Variants in ATXN2 observed in about 807,000 individuals in gnomAD.
ATXN2 encodes ataxin 2, also known as ataxin-2.
In ATXN2, 37 loss-of-function variants were observed where a neutral mutation model predicts 138.6. The ratio of observed to expected loss-of-function variants is 0.27; its 90% confidence interval spans 0.21 to 0.35. The LOEUF (loss-of-function observed/expected upper bound fraction) is 0.35, where lower values mean the gene tolerates loss of function less well. ATXN2 is among the 10% of genes least tolerant of loss of function. The pLI is 1.00. For synonymous variants in ATXN2, 549 were observed against 543.7 expected, an observed-to-expected ratio of 1.01 and a Z score of -0.13; for missense variants, 1,216 against 1,480.3, an observed-to-expected ratio of 0.82 and a Z score of 2.93.
chr12:111,470,360 A>T, intron 19 of ATXN2, 120 bp from the exon 20 acceptor site: 1 of 1,316,852 alleles, frequency 7.6e-7, no homozygotes, highest in Non-Finnish European at 1.0e-6. Context: ...TAAACTCTCA[A>T]ATCTTTCTTG....
At chr12:111,466,374 G>A (rs1299687693) in intron 20 of ATXN2, among the ~76,000 whole-genome samples, 17 of 148,512 alleles carry the variant, frequency 1.1e-4, no homozygotes, top group African/African-American at 4.2e-4. Flanking sequence ...GGTGGCGGGC[G>A]CCTGTAGTCC....
upstream of ATXN2, chr12:111,599,383 G>A (rs1885149729): frequency 2.8e-5 from 33 of 1,161,408 alleles, no homozygotes; most frequent in South Asian, 2.1e-4. Flanking sequence ...CCGGGGCCGC[G>A]CCACCGCCGC....
intron 12 of ATXN2, 135 bp from the exon 13 acceptor site, chr12:111,510,133 AG>A: frequency 1.3e-6 from 1 of 757,062 alleles, no homozygotes; most frequent in South Asian, 2.0e-5. Flanking sequence ...TTTCCTTTGC[AG>A]ATGTCATATG....
intron 5 of ATXN2, among the ~76,000 whole-genome samples, chr12:111,534,811 G>GA (rs1448494896): frequency 4.6e-5 from 7 of 151,870 alleles, no homozygotes; most frequent in African/African-American, 1.7e-4. Context: ...TCATCAGAGG[G>GA]AAAAAAACTG....
intron 12 of ATXN2, 112 bp from the exon 13 acceptor site, chr12:111,510,110 A>C: frequency 2.4e-6 from 2 of 836,332 alleles, no homozygotes; most frequent in South Asian, 3.7e-5. Context: ...CTTTCATTTA[A>C]ACAGAGGCTT....
At chr12:111,539,354 G>C (rs878911751) in intron 5 of ATXN2, among the ~76,000 whole-genome samples, 2 of 150,046 alleles carry the variant, frequency 1.3e-5, no homozygotes, top group Admixed American at 1.3e-4. Context: ...GAGAGTGAAA[G>C]AGACAGAGAG....
intron 1 of ATXN2, among the ~76,000 whole-genome samples, chr12:111,558,320 A>G (rs1028512268): frequency 6.6e-6 from 1 of 152,204 alleles, no homozygotes; most frequent in Non-Finnish European, 1.5e-5. Flanking sequence ...ATATTTTACT[A>G]TTTAATATAG....
At chr12:111,469,399 A>C (rs1016549487) in intron 20 of ATXN2, 3 of 152,226 alleles carry the variant, frequency 2.0e-5, no homozygotes, top group Admixed American at 2.0e-4. Context: ...CAACAGTGAA[A>C]AATCTATTAT....
intron 11 of ATXN2, chr12:111,511,697 C>G (rs1879532149): frequency 6.6e-6 from 1 of 152,272 alleles, no homozygotes; most frequent in East Asian, 1.9e-4. Context: ...AACTCCTGAC[C>G]TCGTGATCCA....
intron 5 of ATXN2, among the ~76,000 whole-genome samples, chr12:111,547,127 T>C (rs756333572): frequency 6.6e-6 from 1 of 152,208 alleles, no homozygotes; most frequent in African/African-American, 2.4e-5. Context: ...ACCTTACTCA[T>C]GTTAAAAGGT....
At chr12:111,481,400 G>A (rs1204345656) in intron 18 of ATXN2, among the ~76,000 whole-genome samples, 2 of 152,144 alleles carry the variant, frequency 1.3e-5, no homozygotes, top group African/African-American at 4.8e-5. Flanking sequence ...AGCCGAGATT[G>A]TGCCACTGTG....
intron 1 of ATXN2, among the ~76,000 whole-genome samples, chr12:111,595,390 C>T (rs544154096): frequency 6.6e-6 from 1 of 152,230 alleles, no homozygotes; most frequent in South Asian, 2.1e-4. Context: ...GCCTGCAATC[C>T]CAGCACTTTG....
intron 23 of ATXN2, chr12:111,455,172 C>G: frequency 1.4e-6 from 1 of 701,586 alleles, no homozygotes; most frequent in Non-Finnish European, 2.6e-6. Flanking sequence ...AGACCCGCCT[C>G]AGAGAGTTCT....
At chr12:111,505,593 T>C (rs1008033462) in intron 14 of ATXN2, among the ~76,000 whole-genome samples, 8 of 152,146 alleles carry the variant, frequency 5.3e-5, no homozygotes, top group African/African-American at 1.9e-4. Context: ...ACAAAAGATG[T>C]TCAACATCAT....
At chr12:111,452,959 G>T in intron 24 of ATXN2, 119 bp from the exon 25 acceptor site, 1 of 1,069,030 alleles carries the variant, frequency 9.4e-7, no homozygotes, top group South Asian at 2.7e-5. Flanking sequence ...ACTCAAAATT[G>T]AATTCGCTTT....
In ATXN2 at chr12:111,518,354, G is replaced by A. The variant is rs1230935138; in HGVS notation, c.1060C>T (p.Pro354Ser). Residue 354 changes from proline to serine, a missense_variant, in exon 9 of 25, where the codon CCG becomes TCG. By Grantham distance (74) the Pro-to-Ser change is moderately conservative. Coordinates refer to ENST00000673436, the MANE Select transcript of ATXN2 (RefSeq NM_001372574.1). ...CCCGATCCAGGCTGGCCCATACGCG[G>A]TGAATTCTGTCTCCCACTTCCCCAG... is the stretch of plus-strand genomic sequence containing the variant. ...ISWGSGRQNS[P>S]RMGQPGSGSM... 1 of 1,613,178 alleles carries A rather than the reference G, an allele frequency of 6.2e-7. No homozygotes were observed. The highest frequency in any genetic ancestry group is 1.3e-5 in the African/African-American group (1 of 74,890).
chr12:111,594,214 G>C (rs1352183899), intron 1 of ATXN2, among the ~76,000 whole-genome samples: 3 of 152,138 alleles, frequency 2.0e-5, no homozygotes, highest in Admixed American at 2.0e-4. Context: ...GTACATAGAT[G>C]CTTCAATAAA....
At chr12:111,460,124 C>A (rs1026797991) in intron 21 of ATXN2, among the ~76,000 whole-genome samples, 2 of 152,364 alleles carry the variant, frequency 1.3e-5, no homozygotes, top group Middle Eastern at 3.4e-3. Flanking sequence ...CTCTGTTGCC[C>A]AGGGTGGAGT....
chr12:111,553,748 G>A (rs188751073), intron 3 of ATXN2, among the ~76,000 whole-genome samples: 11 of 151,584 alleles, frequency 7.3e-5, no homozygotes, highest in Admixed American at 4.0e-4. Context: ...CTACAGGCAC[G>A]TACCACCACG....
Sources: allele counts gnomAD v4.1 joint callset (sites outside exome capture counted in the v4.1 genomes callset), GRCh38; gene constraint gnomAD v4.1.1; transcripts MANE v1.5; gene names NCBI Gene and HGNC (gene_info 2026-07-23, HGNC 2026-07-21).